The following NEGR1 variants were observed in gnomAD, a reference collection of about 807,000 sequenced individuals.
NEGR1 encodes neuronal growth regulator 1.
A neutral mutation model predicts 40.9 loss-of-function variants in NEGR1; 10 were observed. That is an observed-to-expected ratio of 0.24 (90% CI 0.15 to 0.42). NEGR1 has a LOEUF of 0.42. Among genes scored for constraint, NEGR1 ranks in the 10% least tolerant of loss-of-function variants. NEGR1 has a pLI of 1.00. For synonymous variants in NEGR1, 185 were observed against 166.8 expected, an observed-to-expected ratio of 1.11 and a Z score of -0.84; for missense variants, 352 against 438.9, an observed-to-expected ratio of 0.80 and a Z score of 1.77.
chr1:71,692,544 T>C (rs1258082996), intron 4 of NEGR1, among the ~76,000 whole-genome samples: 1 of 151,654 alleles, frequency 6.6e-6, no homozygotes, highest in African/African-American at 2.4e-5. Flanking sequence ...CTTCTAGTCT[T>C]AAGTTTGACA....
At chr1:72,202,239 A>G (rs769710576) in intron 1 of NEGR1, among the ~76,000 whole-genome samples, 7 of 151,870 alleles carry the variant, frequency 4.6e-5, no homozygotes, top group South Asian at 4.1e-4. Flanking sequence ...TGCCTGCTCC[A>G]CTTATCAGCC....
chr1:72,085,933 G>A (rs1329922249), intron 1 of NEGR1, among the ~76,000 whole-genome samples: 6 of 133,714 alleles, frequency 4.5e-5, no homozygotes, highest in African/African-American at 1.7e-4. Flanking sequence ...TTGCACCACT[G>A]TACTCCAGCC....
chr1:72,197,905 A>T (rs895262650), intron 1 of NEGR1, among the ~76,000 whole-genome samples: 1 of 152,054 alleles, frequency 6.6e-6, no homozygotes, highest in African/African-American at 2.4e-5. Flanking sequence ...GATGAACCCA[A>T]TTAAATTTTA....
Position 71,940,687 on chromosome 1 carries a change from C to T in NEGR1, c.177-5376G>A, listed in dbSNP as rs537427628. Among the ~76,000 whole-genome samples, 9 of 152,204 alleles carry T rather than the reference C, an allele frequency of 5.9e-5. No homozygotes were observed. The East Asian group carries it at 1.7e-3, about 29-fold the overall frequency. ...GTATGAAGTCCCATTGGGTGAGATG[C>T]TATTTGATCAAACTGTTAGGAAAAT... On this transcript the variant is annotated intron_variant, in intron 1 of 6. Transcript: ENST00000357731.
intron 6 of NEGR1, among the ~76,000 whole-genome samples, chr1:71,546,861 G>T (rs942218459): frequency 1.3e-5 from 2 of 151,664 alleles, no homozygotes; most frequent in Non-Finnish European, 1.5e-5. Context: ...TGTAGGTTAA[G>T]ACCTGCATTA....
In NEGR1 at chr1:71,942,390, C is replaced by G. The variant is rs189517062; in HGVS notation, c.177-7079G>C. 4.9e-5 allele frequency among the ~76,000 whole-genome samples: 6 copies of G among 122,910 alleles called. No homozygotes were observed. In the East Asian group the frequency reaches 1.6e-3, roughly 33 times the overall value. The allele number at this position is 122,910 out of a possible 152,430, so 80.6% of individuals were successfully genotyped here. On this transcript the variant is annotated intron_variant, in intron 1 of 6. Transcript: ENST00000357731. ...TGAAATCTGTGAAGTTTAATGTAAT[C>G]AAGTGATGGTATTAATTCATATAGT...
At chr1:71,935,384 T>A (rs1032652315) in intron 1 of NEGR1, 73 bp from the exon 2 acceptor site, 3 of 1,069,248 alleles carry the variant, frequency 2.8e-6, no homozygotes, top group Non-Finnish European at 2.8e-6. Context: ...GTTCTGAGTG[T>A]TTTTTTCTTT....
At chr1:71,634,399 C>G (rs984295710) in intron 4 of NEGR1, among the ~76,000 whole-genome samples, 9 of 152,060 alleles carry the variant, frequency 5.9e-5, no homozygotes, top group Non-Finnish European at 1.3e-4. Flanking sequence ...CAGGGACCAG[C>G]CAAGCTGGCT....
rs1646272025 is a variant in NEGR1 at position 71,405,397 on chromosome 1, AC to A, written c.*2048del. On this transcript the variant is annotated 3_prime_UTR_variant, in exon 7 of 7. Transcript: ENST00000357731. ...TAAGTAGATTATTATGGAGTGTGCCACTTTAAAGCTGCAATACAAAATAATA... is the reference window on the plus strand; with the variant it reads ...TAAGTAGATTATTATGGAGTGTGCCATTTAAAGCTGCAATACAAAATAATA... 6.6e-6 allele frequency: 1 copy of A among 152,252 alleles called. No individual in the cohort carries two copies. Among genetic ancestry groups the A allele is most frequent in the South Asian group, 2.1e-4 (1 of 4,832 alleles). The allele number at this position is 152,252 out of a possible 1,614,324, so 9.4% of individuals were successfully genotyped here.
At chr1:71,502,699 G>A (rs1647007069) in intron 6 of NEGR1, among the ~76,000 whole-genome samples, 1 of 152,184 alleles carries the variant, frequency 6.6e-6, no homozygotes, top group South Asian at 2.1e-4. Context: ...AGAGGCAACA[G>A]AAGGAGAAAA....
intron 1 of NEGR1, among the ~76,000 whole-genome samples, chr1:72,026,149 T>TAATTA (rs1342705605): frequency 2.1e-5 from 2 of 93,108 alleles, no homozygotes; most frequent in East Asian, 6.4e-4. Context: ...AAAAATGACA[T>TAATTA]AATTAAAGCA....
intron 1 of NEGR1, among the ~76,000 whole-genome samples, chr1:72,147,438 C>T (rs1650951500): frequency 6.6e-6 from 1 of 152,094 alleles, no homozygotes; most frequent in Non-Finnish European, 1.5e-5. Context: ...CCCCATGATT[C>T]AACTACCTAC....
chr1:72,086,374 C>T (rs957806211), intron 1 of NEGR1, among the ~76,000 whole-genome samples: 1 of 152,078 alleles, frequency 6.6e-6, no homozygotes, highest in Admixed American at 6.5e-5. Flanking sequence ...TTGTTTTGCA[C>T]GTTGTTTGTT....
intron 4 of NEGR1, among the ~76,000 whole-genome samples, chr1:71,681,724 T>A (rs951584139): frequency 2.0e-5 from 3 of 152,236 alleles, no homozygotes; most frequent in African/African-American, 7.2e-5. Context: ...TCCTAATATG[T>A]CCTTATGGAA....
intron 1 of NEGR1, among the ~76,000 whole-genome samples, chr1:72,273,833 T>TAA (rs879077998): frequency 3.4e-5 from 5 of 146,070 alleles, no homozygotes; most frequent in Non-Finnish European, 7.6e-5. Context: ...TATATGGATT[T>TAA]AAAAAAAAAA....
intron 2 of NEGR1, among the ~76,000 whole-genome samples, chr1:71,895,677 T>C (rs551853741): frequency 1.3e-5 from 2 of 152,228 alleles, no homozygotes; most frequent in South Asian, 4.1e-4. Flanking sequence ...CTCTATCACA[T>C]TTGTTTAACC....
chr1:71,942,485 T>TATATA (rs61271690), intron 1 of NEGR1, among the ~76,000 whole-genome samples: 59 of 4,926 alleles, frequency 0.012, no homozygotes, highest in Admixed American at 0.022. Context: ...ATATATATAT[T>TATATA]TTTTTTTTTT....
rs145155929 is a variant in NEGR1, at chr1:71,676,713, C to T, written c.667+21295G>A. On this transcript the variant is annotated intron_variant, in intron 4 of 6. Transcript: ENST00000357731. ...ACTACTCTTTTCTTGTCAGATATAG[C>T]TGTCTGATAAAACAGATAAAAATGT... is the stretch of plus-strand genomic sequence containing the variant. Among the ~76,000 whole-genome samples the T allele has an allele frequency of 2.8e-3, 420 of 152,288 alleles. 3 individuals are homozygous for T. The highest frequency in any genetic ancestry group is 9.8e-3 in the African/African-American group (406 of 41,556).
chr1:72,230,730 A>G (rs1269620820), intron 1 of NEGR1, among the ~76,000 whole-genome samples: 1 of 152,146 alleles, frequency 6.6e-6, no homozygotes, highest in Admixed American at 6.6e-5. Context: ...ATCCTATTAT[A>G]TCCAAAATTC....
Sources: gnomAD v4.1 joint callset for allele counts (sites outside exome capture counted in the v4.1 genomes callset) on GRCh38, gnomAD v4.1.1 for gene constraint, MANE v1.5 for transcripts, NCBI Gene and HGNC (gene_info 2026-07-23, HGNC 2026-07-21) for gene names.